PDE4B: variants seen among roughly 807,000 people sequenced by gnomAD.
The protein encoded by PDE4B is 3',5'-cyclic-AMP phosphodiesterase 4B.
In PDE4B, 20 loss-of-function variants were observed where a neutral mutation model predicts 82.2. That is an observed-to-expected ratio of 0.24 (90% CI 0.17 to 0.35). PDE4B has a LOEUF of 0.35. PDE4B is among the 10% of genes least tolerant of loss of function. The pLI is 1.00. For missense variants in PDE4B, 655 were observed against 907.2 expected (o/e 0.72, Z 3.57); for synonymous variants, 320 against 318.9 (o/e 1.00, Z -0.04).
chr1:65,884,878 G>T (rs986941489), intron 1 of PDE4B, among the ~76,000 whole-genome samples: 2 of 152,032 alleles, frequency 1.3e-5, no homozygotes, highest in Non-Finnish European at 2.9e-5. Flanking sequence ...ATTAAACTAA[G>T]GAGCTTCTGC....
chr1:66,199,437 C>T (rs542411058), intron 3 of PDE4B, among the ~76,000 whole-genome samples: 41 of 152,100 alleles, frequency 2.7e-4, no homozygotes, highest in South Asian at 6.2e-4. Context: ...TCATATCCTT[C>T]GCCCACTTTT....
At chr1:66,231,020 C>T (rs375720189) in intron 3 of PDE4B, among the ~76,000 whole-genome samples, 44 of 134,990 alleles carry the variant, frequency 3.3e-4, no homozygotes, top group East Asian at 3.1e-3. Context: ...GGTGACAGAG[C>T]GAGAATCTGT....
intron 3 of PDE4B, among the ~76,000 whole-genome samples, chr1:66,047,527 A>G (rs750057488): frequency 2.0e-5 from 3 of 151,876 alleles, no homozygotes; most frequent in Non-Finnish European, 4.4e-5. Flanking sequence ...GCTCCAGCCC[A>G]GTGTTGCTCA....
At chr1:66,314,439 A>G (rs1032141138) in intron 7 of PDE4B, among the ~76,000 whole-genome samples, 2 of 151,758 alleles carry the variant, frequency 1.3e-5, no homozygotes, top group African/African-American at 4.8e-5. Context: ...TGGAGATGGA[A>G]TCTCACTCTT....
chr1:65,954,983 A>G (rs922919751), intron 3 of PDE4B, among the ~76,000 whole-genome samples: 14 of 152,098 alleles, frequency 9.2e-5, no homozygotes, highest in Non-Finnish European at 1.8e-4. Flanking sequence ...CTGCCATATA[A>G]TAAGTGGCAA....
At chr1:66,369,296 C>T (rs1050585340) in intron 16 of PDE4B, among the ~76,000 whole-genome samples, 2 of 152,186 alleles carry the variant, frequency 1.3e-5, no homozygotes, top group Non-Finnish European at 2.9e-5. Context: ...TGGATTTCTC[C>T]TAGCTCTGTC....
At chr1:65,861,394 T>C (rs566781967) in intron 1 of PDE4B, among the ~76,000 whole-genome samples, 1 of 152,328 alleles carries the variant, frequency 6.6e-6, no homozygotes, top group African/African-American at 2.4e-5. Flanking sequence ...TCTTTTCTGT[T>C]CCACTGGTCT....
intron 7 of PDE4B, among the ~76,000 whole-genome samples, chr1:66,277,304 A>G (rs1048940815): frequency 5.3e-5 from 8 of 152,188 alleles, no homozygotes; most frequent in Non-Finnish European, 1.0e-4. Flanking sequence ...TTTTACTGCA[A>G]ATTCAGTTGG....
chr1:66,027,622 TA>T (rs1653520058), intron 3 of PDE4B, among the ~76,000 whole-genome samples: 3 of 152,124 alleles, frequency 2.0e-5, no homozygotes, highest in African/African-American at 7.2e-5. Flanking sequence ...TATGAGCCTG[TA>T]AAATCAAAAG....
At chr1:65,920,959 CTTTTTTTTTTTTTT>C (rs71058435) in intron 3 of PDE4B, among the ~76,000 whole-genome samples, 7 of 68,150 alleles carry the variant, frequency 1.0e-4, no homozygotes, top group African/African-American at 2.6e-4. Flanking sequence ...AAAAGCATTT[CTTTTTTTTTTTTTT>C]TTTTTTTTTT....
At chr1:65,853,234 TG>T (rs2100221089) in intron 1 of PDE4B, among the ~76,000 whole-genome samples, 1 of 152,250 alleles carries the variant, frequency 6.6e-6, no homozygotes, top group South Asian at 2.1e-4. Flanking sequence ...ATATCTTTTT[TG>T]TCATTTCCTT....
At chr1:66,270,490 G>A (rs1655392574) in intron 7 of PDE4B, among the ~76,000 whole-genome samples, 1 of 152,212 alleles carries the variant, frequency 6.6e-6, no homozygotes, top group Non-Finnish European at 1.5e-5. Context: ...TCATGACATT[G>A]ATTCCGTTCT....
At chr1:66,260,350 A>G (rs887105481) in intron 6 of PDE4B, among the ~76,000 whole-genome samples, 7 of 152,208 alleles carry the variant, frequency 4.6e-5, no homozygotes, top group African/African-American at 1.2e-4. Flanking sequence ...TCTGGGTTAT[A>G]GGAAGAAGTC....
chr1:66,301,399 T>C (rs896240550), intron 7 of PDE4B, among the ~76,000 whole-genome samples: 3 of 152,102 alleles, frequency 2.0e-5, no homozygotes, highest in African/African-American at 7.2e-5. Context: ...TGTCATTTTC[T>C]CTCCATTTGA....
rs1444608538 is a variant in PDE4B, at chr1:66,204,581, G to A, written c.282-42879G>A. ...CCTCCCCCAGCCTCACTGCCACCTT[G>A]CAGTCTGATCTCAGACTGCTGTGCT... On this transcript the variant is annotated intron_variant, in intron 3 of 16. Coordinates refer to ENST00000341517, the MANE Select transcript of PDE4B (RefSeq NM_002600.4). Among the ~76,000 whole-genome samples, 58 of 152,158 alleles carry A rather than the reference G, an allele frequency of 3.8e-4. 2 individuals carry two copies. Among genetic ancestry groups the A allele is most frequent in the Admixed American group, 3.7e-3 (57 of 15,280 alleles).
chr1:65,914,596 T>C (rs942968640), intron 2 of PDE4B, among the ~76,000 whole-genome samples: 1 of 146,610 alleles, frequency 6.8e-6, no homozygotes, highest in African/African-American at 2.5e-5. Context: ...TAGAAAACTT[T>C]TTTTCTTAAA....
intron 3 of PDE4B, among the ~76,000 whole-genome samples, chr1:65,925,566 ATTAG>A (rs1647454100): frequency 6.6e-6 from 1 of 151,938 alleles, no homozygotes; most frequent in African/African-American, 2.4e-5. Context: ...AACAACATCT[ATTAG>A]TTTTGTCTGT....
At chr1:66,340,656 C>T (rs1660910272) in intron 8 of PDE4B, among the ~76,000 whole-genome samples, 2 of 152,038 alleles carry the variant, frequency 1.3e-5, no homozygotes, top group Admixed American at 1.3e-4. Flanking sequence ...TCACTCTTTG[C>T]TAACAGCATA....
chr1:65,988,363 G>C (rs547270720), intron 3 of PDE4B, among the ~76,000 whole-genome samples: 1 of 152,122 alleles, frequency 6.6e-6, no homozygotes, highest in South Asian at 2.1e-4. Flanking sequence ...GCAATTTGGG[G>C]GTTGCTGTAG....
Sources: allele counts gnomAD v4.1 joint callset (sites outside exome capture counted in the v4.1 genomes callset), GRCh38; gene constraint gnomAD v4.1.1; transcripts MANE v1.5; gene names NCBI Gene and HGNC (gene_info 2026-07-23, HGNC 2026-07-21).